Variants in HSD17B12 observed in about 807,000 individuals in gnomAD.
HSD17B12 encodes the protein very-long-chain 3-oxoacyl-CoA reductase.
In HSD17B12, 32 loss-of-function variants were observed where a neutral mutation model predicts 39.3. That is an observed-to-expected ratio of 0.81 (90% CI 0.61 to 1.09). The LOEUF is 1.09. HSD17B12 is among the 50% of genes least tolerant of loss of function. The probability of loss-of-function intolerance (pLI) is 0.00; values close to 1 mark genes in which losing one functional copy is unlikely to be tolerated. For missense variants in HSD17B12, 342 were observed against 382.9 expected, an observed-to-expected ratio of 0.89 and a Z score of 0.89; for synonymous variants, 150 against 146.7, an observed-to-expected ratio of 1.02 and a Z score of -0.16.
intron 1 of HSD17B12, among the ~76,000 whole-genome samples, chr11:43,719,715 C>G (rs971180876): frequency 7.2e-5 from 11 of 151,880 alleles, no homozygotes; most frequent in African/African-American, 2.7e-4. Context: ...ACTATTAGCT[C>G]TACCCTTTGG....
intron 1 of HSD17B12, among the ~76,000 whole-genome samples, chr11:43,738,035 C>T (rs958655435): frequency 5.1e-5 from 7 of 137,698 alleles, no homozygotes; most frequent in Admixed American, 1.6e-4. Flanking sequence ...ATTGCCTGGG[C>T]GACAGAGCCA....
At chr11:43,783,462 A>G (rs1387318932) in intron 3 of HSD17B12, among the ~76,000 whole-genome samples, 2 of 150,640 alleles carry the variant, frequency 1.3e-5, no homozygotes, top group Non-Finnish European at 2.9e-5. Flanking sequence ...CGTGCAGAAC[A>G]TGCAAGTTTG....
the HSD17B12 span, among the ~76,000 whole-genome samples, chr11:43,653,357 A>G: frequency 2.0e-5 from 3 of 152,164 alleles, no homozygotes; most frequent in African/African-American, 7.2e-5. Flanking sequence ...AGAAGAAAAT[A>G]GGAGAAAAAT....
chr11:43,705,747 T>C (rs1950006700), intron 1 of HSD17B12, among the ~76,000 whole-genome samples: 1 of 104,968 alleles, frequency 9.5e-6, no homozygotes, highest in Non-Finnish European at 2.1e-5. Flanking sequence ...AAATTTCTTT[T>C]TTTCCTCTCT....
At chr11:43,712,508 C>A (rs575431363) in intron 1 of HSD17B12, among the ~76,000 whole-genome samples, 1 of 152,168 alleles carries the variant, frequency 6.6e-6, no homozygotes, top group South Asian at 2.1e-4. Context: ...CTGATAATAA[C>A]TCTTTCAACC....
At chr11:43,739,714 T>C (rs1950347520) in intron 1 of HSD17B12, among the ~76,000 whole-genome samples, 1 of 152,124 alleles carries the variant, frequency 6.6e-6, no homozygotes, top group Admixed American at 6.5e-5. Flanking sequence ...CACCTGACTC[T>C]TGGAAGGGAC....
At chr11:43,783,362 T>C (rs1457215743) in intron 3 of HSD17B12, among the ~76,000 whole-genome samples, 1 of 152,116 alleles carries the variant, frequency 6.6e-6, no homozygotes, top group Non-Finnish European at 1.5e-5. Flanking sequence ...TCAGAGCCCT[T>C]TTTACTCTTA....
chr11:43,719,253 G>A, intron 1 of HSD17B12: 2 of 542,624 alleles, frequency 3.7e-6, no homozygotes, highest in East Asian at 7.0e-5. Flanking sequence ...CATTGACATT[G>A]TAACAGGGCT....
the HSD17B12 span, chr11:43,570,379 A>G: frequency 2.0e-5 from 3 of 152,198 alleles, no homozygotes; most frequent in African/African-American, 7.2e-5. Flanking sequence ...CTCCAATTAA[A>G]TTTGCATTTC....
chr11:43,828,843 TAAAG>T (rs1230235006), intron 6 of HSD17B12, among the ~76,000 whole-genome samples: 1 of 152,224 alleles, frequency 6.6e-6, no homozygotes, highest in Non-Finnish European at 1.5e-5. Flanking sequence ...AATTTGGTGT[TAAAG>T]AAAATTTAAT....
chr11:43,748,290 A>C (rs1950430222), intron 1 of HSD17B12, among the ~76,000 whole-genome samples: 1 of 152,228 alleles, frequency 6.6e-6, no homozygotes, highest in African/African-American at 2.4e-5. Context: ...ATGAAAAAGA[A>C]TAAAATCATG....
the HSD17B12 span, among the ~76,000 whole-genome samples, chr11:43,572,355 A>C: frequency 6.6e-6 from 1 of 152,330 alleles, no homozygotes; most frequent in East Asian, 1.9e-4. Flanking sequence ...CTTAGGAGGA[A>C]TAGATCAGTC....
At chr11:43,793,706 GGGT>G (rs2135035930) in intron 3 of HSD17B12, among the ~76,000 whole-genome samples, 1 of 152,220 alleles carries the variant, frequency 6.6e-6, no homozygotes, top group East Asian at 1.9e-4. Context: ...GACTATTTGA[GGGT>G]TCAGTTCCTT....
chr11:43,605,948 G>A, the HSD17B12 span, among the ~76,000 whole-genome samples: 2 of 152,288 alleles, frequency 1.3e-5, no homozygotes, highest in Admixed American at 1.3e-4. Flanking sequence ...GAATACAGCT[G>A]ATCTAATGGC....
At chr11:43,672,123 A>G in the HSD17B12 span, among the ~76,000 whole-genome samples, 1 of 152,110 alleles carries the variant, frequency 6.6e-6, no homozygotes, top group Non-Finnish European at 1.5e-5. Flanking sequence ...ATCTCGGCTC[A>G]CTGAAAGCTC....
intron 1 of HSD17B12, among the ~76,000 whole-genome samples, chr11:43,715,158 T>C (rs955575065): frequency 1.3e-5 from 2 of 152,064 alleles, no homozygotes; most frequent in Non-Finnish European, 2.9e-5. Context: ...CTTCCAACAC[T>C]ATGTTGAATA....
intron 2 of HSD17B12, among the ~76,000 whole-genome samples, 181 bp from the exon 3 acceptor site, chr11:43,753,865 A>G (rs1046940348): frequency 1.3e-5 from 2 of 152,176 alleles, no homozygotes; most frequent in Non-Finnish European, 2.9e-5. Context: ...CTTGGCTTAG[A>G]AAGATAACTT....
At chr11:43,690,397 TA>T (rs61190451) in intron 1 of HSD17B12, among the ~76,000 whole-genome samples, 29 of 40,414 alleles carry the variant, frequency 7.2e-4, no homozygotes, top group African/African-American at 3.2e-3. Flanking sequence ...TATATATATA[TA>T]TATATATTTT....
At chr11:43,814,164 ATT>A (rs59845637) in intron 4 of HSD17B12, among the ~76,000 whole-genome samples, 2 of 149,014 alleles carry the variant, frequency 1.3e-5, no homozygotes, top group African/African-American at 2.5e-5. Context: ...AGTTATTATG[ATT>A]TTTTTTTTTC....
Sources: gnomAD v4.1 joint callset for allele counts (sites outside exome capture counted in the v4.1 genomes callset) on GRCh38, gnomAD v4.1.1 for gene constraint, MANE v1.5 for transcripts, NCBI Gene and HGNC (gene_info 2026-07-23, HGNC 2026-07-21) for gene names.